The following OXR1 variants were observed in gnomAD, a reference collection of about 807,000 sequenced individuals.
OXR1 encodes oxidation resistance protein 1.
In OXR1, 41 loss-of-function variants were observed where a neutral mutation model predicts 104.6. The ratio of observed to expected loss-of-function variants is 0.39; its 90% confidence interval spans 0.31 to 0.51. The LOEUF is 0.51. OXR1 is among the 20% of genes least tolerant of loss of function. The pLI is 0.77. For synonymous variants in OXR1, 348 were observed against 348.4 expected, an observed-to-expected ratio of 1.00 and a Z score of 0.01; for missense variants, 955 against 1,031.9, an observed-to-expected ratio of 0.93 and a Z score of 1.02.
chr8:106,288,591 C>CTA (rs1812603986), intron 1 of OXR1, among the ~76,000 whole-genome samples: 1 of 106,590 alleles, frequency 9.4e-6, no homozygotes, highest in Middle Eastern at 4.8e-3. Context: ...TATATACACA[C>CTA]CATATATATA....
At chr8:106,557,194 A>C (rs1162845744) in intron 3 of OXR1, among the ~76,000 whole-genome samples, 2 of 152,188 alleles carry the variant, frequency 1.3e-5, no homozygotes, top group Non-Finnish European at 2.9e-5. Context: ...TAATTGAGGA[A>C]ATATACCTGA....
At position 106,417,123 on chromosome 8, in the gene OXR1, G is replaced by T. The variant is rs775707619; in HGVS notation, c.23+57487G>T. On this transcript the variant is annotated intron_variant, in intron 2 of 16. Coordinates refer to ENST00000517566, the MANE Select transcript of OXR1 (RefSeq NM_001198533.2). ...GTATTATGTTTAACACACATATATT[G>T]AATTGTCAAGTTCACTTCTGCCTTA... 4.7e-4 allele frequency among the ~76,000 whole-genome samples: 71 copies of T among 152,162 alleles called. 1 individual carries two copies. Among genetic ancestry groups the T allele is most frequent in the Non-Finnish European group, 8.4e-4 (57 of 67,982 alleles).
At chr8:106,706,355 A>T in intron 8 of OXR1, 27 bp from the exon 9 acceptor site, 1 of 1,499,292 alleles carries the variant, frequency 6.7e-7, no homozygotes, top group Non-Finnish European at 8.9e-7. Flanking sequence ...TAAAAGTCTA[A>T]TTATTTTTAA....
At chr8:106,646,875 ATTGAG>A in intron 3 of OXR1, among the ~76,000 whole-genome samples, 2 of 152,350 alleles carry the variant, frequency 1.3e-5, no homozygotes, top group Non-Finnish European at 2.9e-5. Context: ...TTAAAGCTTT[ATTGAG>A]TTTTCAGAAC....
chr8:106,711,193 A>G (rs1295798066), intron 10 of OXR1, among the ~76,000 whole-genome samples: 1 of 152,090 alleles, frequency 6.6e-6, no homozygotes, highest in Non-Finnish European at 1.5e-5. Flanking sequence ...AAAAGGATGT[A>G]GTGGTCTTCA....
intron 3 of OXR1, among the ~76,000 whole-genome samples, chr8:106,615,599 A>C (rs1821153017): frequency 7.9e-6 from 1 of 126,974 alleles, no homozygotes; most frequent in African/African-American, 3.4e-5. Flanking sequence ...CAGAGACAGA[A>C]TCTGTCTCAA....
chr8:106,283,747 C>G lies in OXR1; in HGVS notation c.-139+13380C>G, dbSNP rs140223876. ...AATAAAGCTTATTTCTTTTTTGACTCCCTGACAGGAAGTTTTGGCTCTTTT... is the reference window on the plus strand; with the variant it reads ...AATAAAGCTTATTTCTTTTTTGACTGCCTGACAGGAAGTTTTGGCTCTTTT... On this transcript the variant is annotated intron_variant, in intron 1 of 16. Coordinates refer to ENST00000517566, the MANE Select transcript of OXR1 (RefSeq NM_001198533.2). Among the ~76,000 whole-genome samples, 11 of 152,208 alleles carry G rather than the reference C, an allele frequency of 7.2e-5. 2 individuals carry two copies. The highest frequency in any genetic ancestry group is 2.6e-4 in the African/African-American group (11 of 41,548).
At chr8:106,322,533 C>T (rs1209287214) in intron 1 of OXR1, among the ~76,000 whole-genome samples, 2 of 152,066 alleles carry the variant, frequency 1.3e-5, no homozygotes, top group Non-Finnish European at 2.9e-5. Context: ...AAGTCCTAAC[C>T]AAAACAATCA....
intron 1 of OXR1, among the ~76,000 whole-genome samples, chr8:106,313,223 T>C (rs533843463): frequency 1.3e-5 from 2 of 152,276 alleles, no homozygotes; most frequent in South Asian, 2.1e-4. Flanking sequence ...ATGACTGCTT[T>C]TGAGGTTGGT....
In OXR1 at chr8:106,380,818, T is replaced by C. The variant is rs77862273; in HGVS notation, c.23+21182T>C. Among the ~76,000 whole-genome samples, 1,433 of 152,324 alleles carry C rather than the reference T, an allele frequency of 9.4e-3. 30 individuals are homozygous for C. The highest frequency in any genetic ancestry group is 0.033 in the African/African-American group (1,379 of 41,588). Reference sequence around the variant, plus strand: ...TTACTTGGGTTATTGTATTTCATTATGGAATTATAAAAGTTCTTCATATCT... The same window carrying C: ...TTACTTGGGTTATTGTATTTCATTACGGAATTATAAAAGTTCTTCATATCT... On this transcript the variant is annotated intron_variant, in intron 2 of 16. Coordinates refer to ENST00000517566, the MANE Select transcript of OXR1 (RefSeq NM_001198533.2).
intron 11 of OXR1, among the ~76,000 whole-genome samples, chr8:106,719,459 A>T (rs1231853283): frequency 6.6e-6 from 1 of 152,244 alleles, no homozygotes; most frequent in Non-Finnish European, 1.5e-5. Context: ...CAAATGTCAT[A>T]AAAATATTTA....
At chr8:106,306,409 G>A (rs1215032024) in intron 1 of OXR1, among the ~76,000 whole-genome samples, 1 of 151,986 alleles carries the variant, frequency 6.6e-6, no homozygotes, top group Non-Finnish European at 1.5e-5. Context: ...GGAGGAGCCA[G>A]CTCCCTATTA....
intron 3 of OXR1, among the ~76,000 whole-genome samples, chr8:106,619,662 TACAC>T (rs1373663365): frequency 1.3e-5 from 2 of 152,132 alleles, no homozygotes; most frequent in Non-Finnish European, 2.9e-5. Flanking sequence ...AATAAAAAAA[TACAC>T]AAGAAAGGAT....
intron 2 of OXR1, among the ~76,000 whole-genome samples, chr8:106,379,262 A>C (rs1817033041): frequency 6.6e-6 from 1 of 152,148 alleles, no homozygotes; most frequent in Non-Finnish European, 1.5e-5. Flanking sequence ...GATGGTATAA[A>C]ATTATCACTC....
At position 106,703,068 on chromosome 8, in the gene OXR1, A is replaced by C; in HGVS notation, c.838A>C (p.Lys280Gln). The C allele has an allele frequency of 6.2e-7, 1 of 1,612,212 alleles. No individual in the cohort carries two copies. The highest frequency in any genetic ancestry group is 8.5e-7 in the Non-Finnish European group (1 of 1,178,432). ...AATGTACAAAGAAATTTTGGATAGC[A>C]AAATAAAGGAATCTTTACCCATGTA... ...AAMYKEILDS[K>Q]IKESLPIDID... Residue 280 changes from lysine (K) to glutamine (Q), a missense_variant, in exon 8 of 17, where the codon AAA (lysine) becomes CAA (glutamine). This residue lies in a region of OXR1 where 849 missense variants were observed against 852.9 expected (regional missense o/e 1.00). Coordinates refer to ENST00000517566, the MANE Select transcript of OXR1 (RefSeq NM_001198533.2).
chr8:106,698,936 T>C (rs575215823), intron 7 of OXR1, among the ~76,000 whole-genome samples: 1 of 152,330 alleles, frequency 6.6e-6, no homozygotes, highest in East Asian at 1.9e-4. Flanking sequence ...TCATGAATTT[T>C]ATGTAATTGG....
intron 1 of OXR1, among the ~76,000 whole-genome samples, 165 bp from the exon 2 acceptor site, chr8:106,359,311 T>A (rs755140630): frequency 6.6e-5 from 10 of 152,186 alleles, no homozygotes; most frequent in Non-Finnish European, 1.2e-4. Context: ...ATGGTTGGTT[T>A]AATTTTATCT....
chr8:106,316,970 A>G (rs565920721), intron 1 of OXR1, among the ~76,000 whole-genome samples: 1 of 152,220 alleles, frequency 6.6e-6, no homozygotes, highest in Non-Finnish European at 1.5e-5. Flanking sequence ...TCCCGGGTTC[A>G]AGTGATTCTC....
intron 3 of OXR1, among the ~76,000 whole-genome samples, chr8:106,548,248 T>G (rs377144068): frequency 2.6e-5 from 4 of 152,304 alleles, no homozygotes; most frequent in African/African-American, 9.6e-5. Context: ...GACTTACTCA[T>G]TACACCTTAA....
Sources: gnomAD v4.1 joint callset for allele counts (sites outside exome capture counted in the v4.1 genomes callset) on GRCh38, gnomAD v4.1.1 for gene constraint, gnomAD v4.1.1 regional missense constraint, MANE v1.5 for transcripts, NCBI Gene and HGNC (gene_info 2026-07-23, HGNC 2026-07-21) for gene names.